The following GM2A variants were observed in gnomAD, a reference collection of about 807,000 sequenced individuals.
GM2A encodes ganglioside GM2 activator, also known as GM2 ganglioside activator.
GM2A carries 7 observed loss-of-function variants against 12.9 expected under a neutral mutation model. The ratio of observed to expected loss-of-function variants is 0.54; its 90% CI spans 0.31 to 1.02. The LOEUF (loss-of-function observed/expected upper bound fraction) is 1.02, where lower values mean the gene tolerates loss of function less well. GM2A is among the 50% of genes least tolerant of loss of function. The pLI, the probability that GM2A is intolerant of heterozygous loss-of-function variation, is 0.05. For synonymous variants in GM2A, 101 were observed against 96.0 expected (o/e 1.05, Z -0.30); for missense variants, 246 against 241.0 (o/e 1.02, Z -0.14).
intron 3 of GM2A, 167 bp downstream of exon 3, chr5:151,267,080 A>G: frequency 1.2e-6 from 1 of 846,278 alleles, no homozygotes; most frequent in South Asian, 1.4e-5. Flanking sequence ...TTATCCATCT[A>G]CGAAATGGGA....
At chr5:151,267,139 A>C in intron 3 of GM2A, 157 bp from the exon 4 acceptor site, 1 of 984,116 alleles carries the variant, frequency 1.0e-6, no homozygotes, top group East Asian at 2.6e-5. Context: ...ATAATAATCC[A>C]TGCTCTACAG....
At chr5:151,260,364 TC>T (rs1487151422) in intron 2 of GM2A, among the ~76,000 whole-genome samples, 6 of 152,338 alleles carry the variant, frequency 3.9e-5, no homozygotes, top group African/African-American at 1.2e-4. Context: ...ATGCCTGTAA[TC>T]CCAACACTTT....
At chr5:151,263,116 G>T (rs2127237847) in intron 2 of GM2A, among the ~76,000 whole-genome samples, 1 of 123,360 alleles carries the variant, frequency 8.1e-6, no homozygotes, top group Admixed American at 9.2e-5. Context: ...TTTTTGAGAT[G>T]GAGTTTCACT....
In GM2A at chr5:151,269,196, G is replaced by T; in HGVS notation, c.*1745G>T. ...AACACACACCAGCCCTGAGTTCTGG[G>T]CTCATTTGAAGCCTGGAATAGCAAT... On this transcript the variant is annotated 3_prime_UTR_variant, in exon 4 of 4. Transcript: ENST00000357164. 1 of 985,428 alleles carries T rather than the reference G, an allele frequency of 1.0e-6. No homozygotes were observed. The highest frequency in any genetic ancestry group is 1.2e-6 in the Non-Finnish European group (1 of 829,932). The allele number at this position is 985,428 out of a possible 1,614,324, so 61.0% of individuals were successfully genotyped here. A position where few individuals can be genotyped will look rare whatever the true frequency, so the allele number is the denominator to read the frequency against.
chr5:151,254,440 T>A (rs1462969414), intron 1 of GM2A, among the ~76,000 whole-genome samples: 1 of 152,196 alleles, frequency 6.6e-6, no homozygotes, highest in Non-Finnish European at 1.5e-5. Flanking sequence ...CTTAAACTCC[T>A]GGGCTCAAGC....
In GM2A at chr5:151,269,239, G is replaced by A. The variant is rs1398127536; in HGVS notation, c.*1788G>A. On this transcript the variant is annotated 3_prime_UTR_variant, in exon 4 of 4. Transcript: ENST00000357164. The stretch of plus-strand genomic sequence containing the variant: ...ATAGCAATAAATCTTTTTAACTTGC[G>A]GACAGTTTCCCCTTGCCTTGGCTGC... The A allele has an allele frequency of 1.6e-5, 16 of 985,282 alleles. No individual in the cohort carries two copies. The South Asian group carries it at 3.3e-4, about 20-fold the overall frequency. 61.0% of individuals were successfully genotyped at this position (985,282 alleles called of 1,614,324 possible).
chr5:151,267,688 C>T lies in GM2A; in HGVS notation c.*237C>T, dbSNP rs780339678. 3.4e-6 allele frequency: 5 copies of T among 1,457,414 alleles called. No individual in the cohort carries two copies. The African/African-American group carries it at 5.6e-5, about 16-fold the overall frequency. The allele number at this position is 1,457,414 out of a possible 1,614,324, so 90.3% of individuals were successfully genotyped here. On this transcript the variant is annotated 3_prime_UTR_variant, in exon 4 of 4. Coordinates refer to ENST00000357164, the MANE Select transcript of GM2A (RefSeq NM_000405.5). ...TTGATAGCCCAGGGCATCTGCTGGG[C>T]TGACCACGTTACTCATCCCCGTTAA... is the stretch of plus-strand genomic sequence containing the variant.
At chr5:151,263,542 A>C (rs1753835048) in intron 2 of GM2A, among the ~76,000 whole-genome samples, 1 of 152,232 alleles carries the variant, frequency 6.6e-6, no homozygotes, top group Non-Finnish European at 1.5e-5. Context: ...CCCAGGTCAC[A>C]AAGCTAGTTG....
chr5:151,266,794 A>T lies in GM2A; in HGVS notation c.307A>T (p.Ile103Phe). 6.2e-7 allele frequency: 1 copy of T among 1,613,828 alleles called. No individual in the cohort carries two copies. Among genetic ancestry groups the T allele is most frequent in the Non-Finnish European group, 8.5e-7 (1 of 1,179,730 alleles). ...LWIKIPCTDY[I>F]GSCTFEHFCD... The stretch of plus-strand genomic sequence containing the variant: ...GATCAAGATCCCATGCACAGACTAC[A>T]TTGGCAGCTGTACCTTTGAACACTT... The change falls in exon 3 of 4, where the codon ATT becomes TTT. Residue 103 changes from isoleucine to phenylalanine, a missense_variant. Physicochemically the swap from Ile to Phe is conservative, Grantham distance 21 (BLOSUM62 0). Coordinates refer to ENST00000357164, the MANE Select transcript of GM2A (RefSeq NM_000405.5).
At chr5:151,261,585 C>T (rs759477809) in intron 2 of GM2A, among the ~76,000 whole-genome samples, 18 of 151,266 alleles carry the variant, frequency 1.2e-4, no homozygotes, top group Admixed American at 3.3e-4. Flanking sequence ...ATTACAGGCA[C>T]CTGCCATTGC....
chr5:151,261,428 ATTTG>A (rs1005546992), intron 2 of GM2A, among the ~76,000 whole-genome samples: 11 of 151,336 alleles, frequency 7.3e-5, no homozygotes, highest in East Asian at 5.9e-4. Context: ...GGTAGTTTTT[ATTTG>A]TTTGTTTGTT....
Position 151,268,205 on chromosome 5 carries a change from G to C in GM2A, c.*754G>C, listed in dbSNP as rs982807537. 1 of 830,236 alleles carries C rather than the reference G, an allele frequency of 1.2e-6. No individual in the cohort carries two copies. The highest frequency in any genetic ancestry group is 1.5e-6 in the Non-Finnish European group (1 of 688,864). 51.4% of individuals were successfully genotyped at this position (830,236 alleles called of 1,614,324 possible). A position where few individuals can be genotyped will look rare whatever the true frequency, so the allele number is the denominator to read the frequency against. On this transcript the variant is annotated 3_prime_UTR_variant, in exon 4 of 4. Transcript: ENST00000357164. The stretch of plus-strand genomic sequence containing the variant: ...AGAATCTCACTTTGTCACCAGGCTG[G>C]AGTGCAGTGGTGCAATCTCACCTCA...
At chr5:151,263,403 T>A (rs945316912) in intron 2 of GM2A, among the ~76,000 whole-genome samples, 9 of 151,910 alleles carry the variant, frequency 5.9e-5, no homozygotes, top group Admixed American at 2.0e-4. Context: ...ATATATTTAT[T>A]TATTTATTTG....
At chr5:151,257,590 G>A (rs1208227343) in intron 1 of GM2A, among the ~76,000 whole-genome samples, 3 of 152,254 alleles carry the variant, frequency 2.0e-5, no homozygotes, top group South Asian at 2.1e-4. Flanking sequence ...AAATCACAGT[G>A]TAGTACTGTC....
chr5:151,261,985 T>C (rs2127237067), intron 2 of GM2A, among the ~76,000 whole-genome samples: 1 of 152,344 alleles, frequency 6.6e-6, no homozygotes, highest in East Asian at 1.9e-4. Context: ...GATACACACT[T>C]TTTAGGTCTT....
At chr5:151,253,548 G>C (rs1285551269) in intron 1 of GM2A, among the ~76,000 whole-genome samples, 1 of 151,954 alleles carries the variant, frequency 6.6e-6, no homozygotes, top group Non-Finnish European at 1.5e-5. Context: ...CCCTCCAAGC[G>C]CCGGAGTGAA....
intron 2 of GM2A, among the ~76,000 whole-genome samples, chr5:151,260,252 G>T (rs886500819): frequency 6.6e-6 from 1 of 152,154 alleles, no homozygotes; most frequent in Non-Finnish European, 1.5e-5. Context: ...TGGTTTTGTT[G>T]TTAATTATAA....
rs1404894632 is a variant in GM2A, at chr5:151,269,877, CTGT to C, written c.*2432_*2434del. 1 of 677,922 alleles carries C rather than the reference CTGT, an allele frequency of 1.5e-6. No individual in the cohort carries two copies. Among genetic ancestry groups the C allele is most frequent in the African/African-American group, 1.9e-5 (1 of 53,164 alleles). The allele number at this position is 677,922 out of a possible 1,614,324, so 42.0% of individuals were successfully genotyped here. A position where few individuals can be genotyped will look rare whatever the true frequency, so the allele number is the denominator to read the frequency against. ...ATACCTTTCCTTTTTCAAACCTATA[CTGT>C]TGTTGGTGAATTCTTTTTACCAACC... On this transcript the variant is annotated 3_prime_UTR_variant, in exon 4 of 4. Coordinates refer to ENST00000357164, the MANE Select transcript of GM2A (RefSeq NM_000405.5).
chr5:151,263,500 GA>G (rs1753834444), intron 2 of GM2A, among the ~76,000 whole-genome samples: 1 of 152,126 alleles, frequency 6.6e-6, no homozygotes, highest in South Asian at 2.1e-4. Context: ...GCCGATGAGG[GA>G]CAAAGGGTCT....
Sources: gnomAD v4.1 joint callset for allele counts (sites outside exome capture counted in the v4.1 genomes callset) on GRCh38, gnomAD v4.1.1 for gene constraint, MANE v1.5 for transcripts, NCBI Gene and HGNC (gene_info 2026-07-23, HGNC 2026-07-21) for gene names.